RFFL: variants seen among roughly 807,000 people sequenced by gnomAD.
RFFL encodes the protein E3 ubiquitin-protein ligase rififylin.
In RFFL, 16 loss-of-function variants were observed where a neutral mutation model predicts 40.4. The ratio of observed to expected loss-of-function variants is 0.40; its 90% CI spans 0.27 to 0.60. The LOEUF is 0.60. RFFL is among the 20% of genes least tolerant of loss of function. The probability of loss-of-function intolerance (pLI) is 0.47; values close to 1 mark genes in which losing one functional copy is unlikely to be tolerated. For synonymous variants in RFFL, 154 were observed against 167.9 expected, an observed-to-expected ratio of 0.92 and a Z score of 0.64; for missense variants, 367 against 451.7, an observed-to-expected ratio of 0.81 and a Z score of 1.70.
Position 35,011,822 on chromosome 17 carries a change from CA to C in RFFL, c.*145del. The C allele has an allele frequency of 1.4e-6, 1 of 737,274 alleles. No homozygotes were observed. The allele number at this position is 737,274 out of a possible 1,614,324, so 45.7% of individuals were successfully genotyped here. On this transcript the variant is annotated 3_prime_UTR_variant, in exon 7 of 7. Coordinates refer to ENST00000394597, the MANE Select transcript of RFFL (RefSeq NM_001017368.2). ...ACACCCCTGGGAAGACAGGCATGCT[CA>C]GGGGTGACATGGCATCTTGCTTGAC...
At position 35,017,537 on chromosome 17, in the gene RFFL, C is replaced by T; in HGVS notation, c.661G>A (p.Glu221Lys). 6.2e-7 allele frequency: 1 copy of T among 1,610,120 alleles called. No individual in the cohort carries two copies. The highest frequency in any genetic ancestry group is 1.1e-5 in the South Asian group (1 of 90,188). ...AGAGGCCCCACCTGGGTCTCATCCT[C>T]AGCAGGTACTCTGGCCACGCTCTCC... The part of the protein sequence containing the change: ...YLESVARVPA[E>K]DETQSIDSED... The change falls in exon 4 of 7, where the codon GAG becomes AAG. Residue 221 changes from glutamate (E) to lysine (K), a missense_variant. Glu to Lys is a moderately conservative substitution (Grantham distance 56). Transcript: ENST00000394597.
intron 1 of RFFL, among the ~76,000 whole-genome samples, chr17:35,054,634 TG>T (rs1309186803): frequency 6.6e-6 from 1 of 151,316 alleles, no homozygotes; most frequent in Admixed American, 6.6e-5. Context: ...TTCATACAGC[TG>T]GGGTAAGCCA....
intron 1 of RFFL, among the ~76,000 whole-genome samples, chr17:35,046,052 T>C (rs1011451064): frequency 6.1e-5 from 9 of 147,644 alleles, no homozygotes; most frequent in Non-Finnish European, 1.2e-4. Context: ...GGACAGAAAC[T>C]GCACAATTAT....
chr17:35,050,657 T>G (rs2091226223), intron 1 of RFFL, among the ~76,000 whole-genome samples: 1 of 145,270 alleles, frequency 6.9e-6, no homozygotes, highest in African/African-American at 2.6e-5. Context: ...CTCCCCAGGC[T>G]CTACAAAAAA....
At chr17:35,075,745 A>C (rs1356010237) in intron 1 of RFFL, among the ~76,000 whole-genome samples, 1 of 152,198 alleles carries the variant, frequency 6.6e-6, no homozygotes. Context: ...CATTATAACC[A>C]CAAAAACTAA....
At chr17:35,052,501 AAAAAG>A (rs1176923518) in intron 1 of RFFL, among the ~76,000 whole-genome samples, 1 of 152,174 alleles carries the variant, frequency 6.6e-6, no homozygotes, top group Non-Finnish European at 1.5e-5. Context: ...TCTGGGTAAA[AAAAAG>A]GGGGTGGTAA....
intron 1 of RFFL, among the ~76,000 whole-genome samples, chr17:35,082,200 C>G (rs1033246866): frequency 2.6e-5 from 4 of 152,046 alleles, no homozygotes; most frequent in East Asian, 1.9e-4. Flanking sequence ...CTTTTAGCCT[C>G]GAGTTCCAGG....
chr17:35,044,994 C>T (rs1459727314), intron 1 of RFFL, among the ~76,000 whole-genome samples: 1 of 151,990 alleles, frequency 6.6e-6, no homozygotes, highest in Non-Finnish European at 1.5e-5. Flanking sequence ...ACCTCAACTT[C>T]CCAAAGGATT....
chr17:35,065,122 T>A (rs2091313326), upstream of RFFL, among the ~76,000 whole-genome samples: 1 of 151,838 alleles, frequency 6.6e-6, no homozygotes, highest in Non-Finnish European at 1.5e-5. Context: ...CAACCACACT[T>A]TAAAAAAAAT....
chr17:35,011,979 A>G lies in RFFL; in HGVS notation c.1081T>C (p.Phe361Leu). ...ACCGATGCAAGCTCTCAGGACCGGA[A>G]GACATGCACAGCTCGGATTACATAC... ...RQYVIRAVHVFRS is the reference protein window; with the variant it reads ...RQYVIRAVHVLRS The change falls in exon 7 of 7, where the codon TTC becomes CTC. Residue 361 changes from phenylalanine (F) to leucine (L), a missense_variant. Phe to Leu is a conservative substitution (Grantham distance 22). Transcript: ENST00000394597. 1 of 1,614,104 alleles carries G rather than the reference A, an allele frequency of 6.2e-7. No homozygotes were observed. Among genetic ancestry groups the G allele is most frequent in the South Asian group, 1.1e-5 (1 of 91,076 alleles).
chr17:35,032,036 AGAGAGCC>A (rs2091087279), intron 1 of RFFL, among the ~76,000 whole-genome samples: 1 of 151,268 alleles, frequency 6.6e-6, no homozygotes, highest in Non-Finnish European at 1.5e-5. Context: ...CGGAGCTTGC[AGAGAGCC>A]GAGATCGCGC....
At chr17:35,037,427 TTC>T (rs1392942839) in intron 1 of RFFL, among the ~76,000 whole-genome samples, 1 of 152,214 alleles carries the variant, frequency 6.6e-6, no homozygotes, top group African/African-American at 2.4e-5. Flanking sequence ...TGAAAGGAAA[TTC>T]TGTGAAAAGT....
intron 1 of RFFL, among the ~76,000 whole-genome samples, chr17:35,078,924 G>A (rs1205347650): frequency 1.3e-5 from 2 of 150,878 alleles, no homozygotes. Flanking sequence ...AGGTTGCAGT[G>A]AGCCAAGATG....
At position 35,008,538 on chromosome 17, in the gene RFFL, C is replaced by T. The variant is rs1021475028; in HGVS notation, c.*3430G>A. The T allele has an allele frequency of 1.3e-5, 2 of 152,094 alleles. No homozygotes were observed. Among genetic ancestry groups the T allele is most frequent in the Non-Finnish European group, 2.9e-5 (2 of 68,034 alleles). 9.4% of individuals were successfully genotyped at this position (152,094 alleles called of 1,614,324 possible). A position where few individuals can be genotyped will look rare whatever the true frequency, so the allele number is the denominator to read the frequency against. ...CTTCAATCTCCTGGCTCAAGTGATCCTCCCACCTCAGCCTTCCAAGTAGTT... is the reference window on the plus strand; with the variant it reads ...CTTCAATCTCCTGGCTCAAGTGATCTTCCCACCTCAGCCTTCCAAGTAGTT... On this transcript the variant is annotated 3_prime_UTR_variant, in exon 7 of 7. Transcript: ENST00000394597.
chr17:35,024,484 G>A (rs751742521), intron 2 of RFFL, among the ~76,000 whole-genome samples: 1 of 152,120 alleles, frequency 6.6e-6, no homozygotes, highest in Non-Finnish European at 1.5e-5. Flanking sequence ...CGTCAGGGTC[G>A]CTGCTAAACC....
chr17:35,022,481 T>C (rs2091015123), intron 2 of RFFL, among the ~76,000 whole-genome samples: 1 of 152,214 alleles, frequency 6.6e-6, no homozygotes, highest in African/African-American at 2.4e-5. Flanking sequence ...GCAAAGTAGG[T>C]ATTAGTGTTC....
intron 1 of RFFL, among the ~76,000 whole-genome samples, chr17:35,041,116 T>G (rs1372288479): frequency 6.6e-6 from 1 of 152,126 alleles, no homozygotes; most frequent in Non-Finnish European, 1.5e-5. Context: ...TATTAACTGC[T>G]TTCCCTAACT....
chr17:35,020,206 T>C lies in RFFL; in HGVS notation c.591+1165A>G, dbSNP rs547690216. On this transcript the variant is annotated intron_variant, in intron 3 of 6. Transcript: ENST00000394597. ...CAGTGACAAAAGTGGATGTGGAAAT[T>C]GGATCTTGTAGTTCCTAATTCCCCC... is the stretch of plus-strand genomic sequence containing the variant. Among the ~76,000 whole-genome samples, 6 of 152,278 alleles carry C rather than the reference T, an allele frequency of 3.9e-5. No homozygotes were observed. In the East Asian group the frequency reaches 1.2e-3, roughly 29 times the overall value.
At chr17:35,061,618 T>C (rs1466462068) in intron 1 of RFFL, among the ~76,000 whole-genome samples, 2 of 150,610 alleles carry the variant, frequency 1.3e-5, no homozygotes, top group Non-Finnish European at 3.0e-5. Flanking sequence ...CCACCATGCG[T>C]GGCGTGCCTT....
Sources: allele counts gnomAD v4.1 joint callset (sites outside exome capture counted in the v4.1 genomes callset), GRCh38; gene constraint gnomAD v4.1.1; transcripts MANE v1.5; gene names NCBI Gene and HGNC (gene_info 2026-07-23, HGNC 2026-07-21).